The following LSAMP variants were observed in gnomAD, a reference collection of about 807,000 sequenced individuals.
The protein encoded by LSAMP is limbic system-associated membrane protein.
LSAMP carries 7 observed loss-of-function variants against 38.6 expected under a neutral mutation model. That is an observed-to-expected ratio of 0.18 (90% CI 0.10 to 0.34). LSAMP has a LOEUF of 0.34. Among genes scored for constraint, LSAMP ranks in the 10% least tolerant of loss-of-function variants. LSAMP has a pLI of 1.00. For missense variants in LSAMP, 313 were observed against 420.0 expected (o/e 0.75, Z 2.23); for synonymous variants, 154 against 166.8 (o/e 0.92, Z 0.59).
intron 3 of LSAMP, among the ~76,000 whole-genome samples, chr3:115,885,989 T>C (rs749728873): frequency 2.6e-5 from 4 of 152,004 alleles, no homozygotes; most frequent in Admixed American, 6.6e-5. Flanking sequence ...ATTGGTTTCT[T>C]TAAGTCTTTG....
intron 1 of LSAMP, among the ~76,000 whole-genome samples, chr3:116,308,353 G>T (rs2047512091): frequency 6.6e-6 from 1 of 151,980 alleles, no homozygotes. Context: ...GAGGAATGTG[G>T]AGTCCTCAAA....
intron 1 of LSAMP, among the ~76,000 whole-genome samples, chr3:116,098,393 G>A (rs1417054465): frequency 3.3e-5 from 5 of 152,126 alleles, no homozygotes; most frequent in East Asian, 1.9e-4. Context: ...CAGCTACTCA[G>A]GAGGCTGAGG....
At chr3:115,965,470 A>T (rs1486978685) in intron 3 of LSAMP, among the ~76,000 whole-genome samples, 1 of 151,996 alleles carries the variant, frequency 6.6e-6, no homozygotes, top group African/African-American at 2.4e-5. Flanking sequence ...GATTTCTCAA[A>T]TAAGATACAA....
At chr3:116,257,300 G>A (rs1168812794) in intron 1 of LSAMP, among the ~76,000 whole-genome samples, 2 of 152,170 alleles carry the variant, frequency 1.3e-5, no homozygotes, top group African/African-American at 4.8e-5. Flanking sequence ...GCTGGGAGGT[G>A]AAGGCATGAA....
rs142772529 is a variant in LSAMP at position 115,946,329 on chromosome 3, C to T, written c.514+73186G>A. Reference sequence around the variant, plus strand: ...AAAAACTTTCTGTTGGCCGGAAAGACTAACAGAACAAAAGGAATGGAGTGT... The same window carrying T: ...AAAAACTTTCTGTTGGCCGGAAAGATTAACAGAACAAAAGGAATGGAGTGT... On this transcript the variant is annotated intron_variant, in intron 3 of 6. Transcript: ENST00000490035. 5.9e-3 allele frequency among the ~76,000 whole-genome samples: 901 copies of T among 152,188 alleles called. 8 individuals are homozygous for T. The highest frequency in any genetic ancestry group is 0.021 in the African/African-American group (863 of 41,526).
intron 1 of LSAMP, among the ~76,000 whole-genome samples, chr3:116,252,795 A>T (rs530786969): frequency 2.8e-4 from 43 of 152,244 alleles, no homozygotes; most frequent in Non-Finnish European, 5.7e-4. Flanking sequence ...CGCAGATGTC[A>T]TCATGAACTT....
intron 1 of LSAMP, among the ~76,000 whole-genome samples, chr3:116,277,751 G>A (rs2047075078): frequency 6.6e-6 from 1 of 152,134 alleles, no homozygotes. Flanking sequence ...TTTCAGAGCT[G>A]TTTAACGGTT....
chr3:116,196,133 C>T lies in LSAMP; in HGVS notation c.156-109577G>A, dbSNP rs148905516. ...TTCTCATTGATCATCCGAGGACTTT[C>T]AGGAATATTCAGCTAAATTTTTATA... On this transcript the variant is annotated intron_variant, in intron 1 of 6. Transcript: ENST00000490035. 3.2e-3 allele frequency among the ~76,000 whole-genome samples: 490 copies of T among 152,178 alleles called. 2 individuals are homozygous for T. The highest frequency in any genetic ancestry group is 0.013 in the South Asian group (62 of 4,820).
intron 1 of LSAMP, chr3:116,368,199 C>G (rs1017734400): frequency 2.6e-5 from 4 of 152,200 alleles, no homozygotes; most frequent in Non-Finnish European, 5.9e-5. Context: ...CCACCGCAAC[C>G]GTGCACAGAG....
chr3:116,033,502 C>T (rs1462426511), intron 2 of LSAMP, among the ~76,000 whole-genome samples: 1 of 152,144 alleles, frequency 6.6e-6, no homozygotes, highest in Non-Finnish European at 1.5e-5. Context: ...ACAAACGCTG[C>T]CTATAGAAAT....
chr3:116,079,884 T>A (rs1707835556), intron 2 of LSAMP, among the ~76,000 whole-genome samples: 1 of 152,104 alleles, frequency 6.6e-6, no homozygotes, highest in Admixed American at 6.5e-5. Flanking sequence ...GCCTTTAATA[T>A]TTTTAAGAGT....
At chr3:116,028,745 T>C (rs931231504) in intron 2 of LSAMP, among the ~76,000 whole-genome samples, 3 of 152,152 alleles carry the variant, frequency 2.0e-5, no homozygotes, top group African/African-American at 4.8e-5. Context: ...AGCCTATGCA[T>C]TTCTGTGGCT....
chr3:116,164,617 T>C (rs1218850197), intron 1 of LSAMP, among the ~76,000 whole-genome samples: 2 of 134,212 alleles, frequency 1.5e-5, no homozygotes, highest in African/African-American at 5.7e-5. Context: ...TATATATATA[T>C]ATATAATCCA....
chr3:116,099,523 T>C (rs557406865), intron 1 of LSAMP, among the ~76,000 whole-genome samples: 2 of 152,322 alleles, frequency 1.3e-5, no homozygotes, highest in East Asian at 3.9e-4. Flanking sequence ...GAAACTGACC[T>C]GACTACCAGC....
intron 1 of LSAMP, among the ~76,000 whole-genome samples, chr3:116,330,894 C>T (rs904144639): frequency 6.6e-6 from 1 of 151,998 alleles, no homozygotes; most frequent in Non-Finnish European, 1.5e-5. Flanking sequence ...TAGTATGGCA[C>T]ATTCAGATAT....
chr3:116,200,805 A>G (rs1228100306), intron 1 of LSAMP, among the ~76,000 whole-genome samples: 1 of 152,198 alleles, frequency 6.6e-6, no homozygotes, highest in Non-Finnish European at 1.5e-5. Flanking sequence ...TAGCAGCCCA[A>G]GCTCAGGTAA....
intron 1 of LSAMP, among the ~76,000 whole-genome samples, chr3:116,206,779 T>C (rs1411266235): frequency 6.6e-6 from 1 of 151,674 alleles, no homozygotes; most frequent in Non-Finnish European, 1.5e-5. Context: ...TAGTTTGTTA[T>C]AATCTCTGTT....
chr3:116,114,503 T>TA (rs1708699498), intron 1 of LSAMP, among the ~76,000 whole-genome samples: 2 of 102,570 alleles, frequency 1.9e-5, no homozygotes, highest in Admixed American at 9.5e-5. Flanking sequence ...CAGAAATGCT[T>TA]TTTTTTTTTC....
Position 115,928,973 on chromosome 3 carries a change from G to GTTTTTTTTTTTTTT in LSAMP, c.515-76370_515-76357dup, listed in dbSNP as rs67711628. Among the ~76,000 whole-genome samples, 1,041 of 109,642 alleles carry GTTTTTTTTTTTTTT rather than the reference G, an allele frequency of 9.5e-3. 2 individuals carry two copies. Among genetic ancestry groups the GTTTTTTTTTTTTTT allele is most frequent in the Middle Eastern group, 0.019 (3 of 154 alleles). The allele number at this position is 109,642 out of a possible 152,430, so 71.9% of individuals were successfully genotyped here. A position where few individuals can be genotyped will look rare whatever the true frequency, so the allele number is the denominator to read the frequency against. On this transcript the variant is annotated intron_variant, in intron 3 of 6. Transcript: ENST00000490035. ...GGCTTATCATGCAGGTTTTTTGTTTGTTTTTTTTTTTTTTTTTGCTTGTTT... is the reference window on the plus strand; with the variant it reads ...GGCTTATCATGCAGGTTTTTTGTTTGTTTTTTTTTTTTTTTTTTTTTTTTTTTTTTTGCTTGTTT...
Sources: allele counts gnomAD v4.1 joint callset (sites outside exome capture counted in the v4.1 genomes callset), GRCh38; gene constraint gnomAD v4.1.1; transcripts MANE v1.5; gene names NCBI Gene and HGNC (gene_info 2026-07-23, HGNC 2026-07-21).